Variants in LAMA5 observed in about 807,000 individuals in gnomAD.
The protein encoded by LAMA5 is laminin subunit alpha 5.
LAMA5 carries 260 observed loss-of-function variants against 433.4 expected under a neutral mutation model. That is an observed-to-expected ratio of 0.60 (90% confidence interval 0.54 to 0.66). The LOEUF is 0.66. Ranked by LOEUF, LAMA5 falls within the 30% of genes least tolerant of loss-of-function variation. The pLI is 0.00. For missense variants in LAMA5, 5,378 were observed against 5,258.5 expected, an observed-to-expected ratio of 1.02 and a Z score of -0.70; for synonymous variants, 2,620 against 2,226.6, an observed-to-expected ratio of 1.18 and a Z score of -4.97.
At position 62,319,740 on chromosome 20, in the gene LAMA5, A is replaced by G. The variant is rs369123104; in HGVS notation, c.6815T>C (p.Leu2272Pro). The change falls in exon 51 of 80, where the codon CTG (leucine) becomes CCG (proline). Residue 2272 changes from leucine (L) to proline (P), a missense_variant. Leu to Pro is a moderately conservative substitution (Grantham distance 98). Coordinates refer to ENST00000252999, the MANE Select transcript of LAMA5 (RefSeq NM_005560.6). ...CGCCAACAGCGTCTTCGCATGGCCC[A>G]GTGTGGCCTCGGTGCCGGCCAGCAA... ...SQLLAGTEAT[L>P]GHAKTLLAAI... 8.4e-6 allele frequency: 13 copies of G among 1,549,244 alleles called. No individual in the cohort carries two copies. The African/African-American group carries it at 9.6e-5, about 11-fold the overall frequency.
In LAMA5 at chr20:62,310,223, C is replaced by T; in HGVS notation, c.10689G>A (p.Gln3563=). ...AVTGLIFHLG[Q]ARTPPYLQLQ... ...ACTGCAAGTAGGGGGGCGTCCGGGC[C>T]TGGCCCAAGTGGAAGATCAGTCCGG... is the stretch of plus-strand genomic sequence containing the variant. The change falls in exon 77 of 80, where the codon CAG becomes CAA. Residue 3563 remains glutamine (Q), a synonymous_variant. Coordinates refer to ENST00000252999, the MANE Select transcript of LAMA5 (RefSeq NM_005560.6). The T allele has an allele frequency of 4.3e-6, 7 of 1,612,638 alleles. No homozygotes were observed. The highest frequency in any genetic ancestry group is 5.9e-6 in the Non-Finnish European group (7 of 1,179,950).
rs141647663 is a variant in LAMA5 at position 62,317,690 on chromosome 20, A to G, written c.7328T>C (p.Leu2443Ser). Reference protein sequence around the residue: ...ARDTLASVFRLLHSLDQAKEE... With the variant: ...ARDTLASVFRSLHSLDQAKEE... Reference sequence around the variant, plus strand: ...CTTAGCCTGGTCCAGGCTGTGCAGCAATCTGAAGACGCTGGCCAGGGTGTC... The same window carrying G: ...CTTAGCCTGGTCCAGGCTGTGCAGCGATCTGAAGACGCTGGCCAGGGTGTC... Residue 2443 changes from leucine to serine, a missense_variant, in exon 54 of 80, where the codon TTG becomes TCG. Physicochemically the swap from Leu to Ser is moderately radical, Grantham distance 145 (BLOSUM62 -2). Coordinates refer to ENST00000252999, the MANE Select transcript of LAMA5 (RefSeq NM_005560.6). 73 of 1,599,624 alleles carry G rather than the reference A, an allele frequency of 4.6e-5. 1 individual carries two copies. The African/African-American group carries it at 8.6e-4, about 19-fold the overall frequency.
rs187910311 is a variant in LAMA5, at chr20:62,365,927, C to G, written c.297+1022G>C. Among the ~76,000 whole-genome samples, 382 of 152,284 alleles carry G rather than the reference C, an allele frequency of 2.5e-3. 1 individual carries two copies. The highest frequency in any genetic ancestry group is 4.4e-3 in the Admixed American group (67 of 15,302). On this transcript the variant is annotated intron_variant, in intron 1 of 79. Transcript: ENST00000252999. ...GGGCAGGCAGAGGGGGCGGGCCCAGCCCAGGCTCCTCCATTCATCCCCATA... is the reference window on the plus strand; with the variant it reads ...GGGCAGGCAGAGGGGGCGGGCCCAGGCCAGGCTCCTCCATTCATCCCCATA...
At position 62,310,913 on chromosome 20, in the gene LAMA5, G is replaced by T. The variant is rs373853818; in HGVS notation, c.10270C>A (p.Arg3424Ser). 17 of 1,610,370 alleles carry T rather than the reference G, an allele frequency of 1.1e-5. No individual in the cohort carries two copies. In the Middle Eastern group the frequency reaches 1.3e-3, roughly 125 times the overall value. The change falls in exon 74 of 80, where the codon CGC becomes AGC. Residue 3424 changes from arginine (R) to serine (S), a missense_variant. Physicochemically the swap from Arg to Ser is moderately radical, Grantham distance 110. Transcript: ENST00000252999. Reference sequence around the variant, plus strand: ...TTCTCGGCCCTCACCTTGTGCCAGCGGCCAGGCCGGGAGCGCTGGCGGCTC... The same window carrying T: ...TTCTCGGCCCTCACCTTGTGCCAGCTGCCAGGCCGGGAGCGCTGGCGGCTC... The part of the protein sequence containing the change: ...AQSRQRSRPG[R>S]WHKVSVRWEK...
chr20:62,336,594 C>A, intron 17 of LAMA5, 140 bp downstream of exon 17: 5 of 1,189,012 alleles, frequency 4.2e-6, no homozygotes, highest in Non-Finnish European at 6.1e-6. Context: ...GGCAGAGGAC[C>A]AGCCTAAGGA....
At position 62,337,534 on chromosome 20, in the gene LAMA5, GCA is replaced by G. The variant is rs369611019; in HGVS notation, c.2164+54_2164+55del. The G allele has an allele frequency of 2.4e-4, 380 of 1,555,692 alleles. 3 individuals are homozygous for G. In the East Asian group the frequency reaches 6.6e-3, roughly 27 times the overall value. On this transcript the variant is annotated intron_variant, in intron 16 of 79. Transcript: ENST00000252999. ...CAGGAAGGCAGGCAGCGTGTGAACA[GCA>G]CAGACCCACACACAGGCCCGGCACC...
At chr20:62,319,597 C>T (rs1987443317) in intron 51 of LAMA5, 87 bp downstream of exon 51, 2 of 921,530 alleles carry the variant, frequency 2.2e-6, no homozygotes, top group South Asian at 1.5e-5. Context: ...CCTGTTCTTC[C>T]AGGCCAAGCT....
At chr20:62,342,805 TAA>T (rs1982803136) in intron 11 of LAMA5, among the ~76,000 whole-genome samples, 1 of 152,154 alleles carries the variant, frequency 6.6e-6, no homozygotes, top group African/African-American at 2.4e-5. Flanking sequence ...ATTGGGAGCA[TAA>T]AAAAGTGTGG....
chr20:62,311,038 G>A lies in LAMA5; in HGVS notation c.10145C>T (p.Thr3382Ile), dbSNP rs867207637. 3 of 1,608,250 alleles carry A rather than the reference G, an allele frequency of 1.9e-6. No individual in the cohort carries two copies. The Middle Eastern group carries it at 5.0e-4, about 266-fold the overall frequency. ...GGGGCTGCCGGGCCTCAGACGGGCA[G>A]TGAAGAGGAGGAGGCCTCGGGAGCT... ...PRSSRGLLLF[T>I]ARLRPGSPSL... Residue 3382 changes from threonine to isoleucine, a missense_variant, in exon 74 of 80, where the codon ACT becomes ATT. Transcript: ENST00000252999.
At position 62,334,518 on chromosome 20, in the gene LAMA5, C is replaced by A; in HGVS notation, c.2582+4G>T. ...CCACCACCCAGTGGGGAAGGGGTACCCACTCGCTGCAGGTGGGGCCCTGGG... is the reference window on the plus strand; with the variant it reads ...CCACCACCCAGTGGGGAAGGGGTACACACTCGCTGCAGGTGGGGCCCTGGG... On this transcript the variant is annotated splice_donor_region_variant and intron_variant, in intron 21 of 79. Coordinates refer to ENST00000252999, the MANE Select transcript of LAMA5 (RefSeq NM_005560.6). The A allele has an allele frequency of 6.5e-7, 1 of 1,547,344 alleles. No homozygotes were observed. Among genetic ancestry groups the A allele is most frequent in the Non-Finnish European group, 8.7e-7 (1 of 1,146,230 alleles).
In LAMA5 at chr20:62,320,779, G is replaced by A; in HGVS notation, c.6608C>T (p.Ala2203Val). 6.2e-7 allele frequency: 1 copy of A among 1,612,688 alleles called. No homozygotes were observed. The highest frequency in any genetic ancestry group is 8.5e-7 in the Non-Finnish European group (1 of 1,179,920). ...GGAGGCGTTCAGCCTGTGCAGACGG[G>A]CCCAGGCCATGGAGCTGGCATTGAT... is the stretch of plus-strand genomic sequence containing the variant. ...RGINASSMAW[A>V]RLHRLNASIA... The change falls in exon 49 of 80, where the codon GCC becomes GTC. Residue 2203 changes from alanine (A) to valine (V), a missense_variant. By Grantham distance (64) the Ala-to-Val change is moderately conservative (BLOSUM62 0). Transcript: ENST00000252999.
intron 31 of LAMA5, among the ~76,000 whole-genome samples, chr20:62,330,127 C>G (rs1353713394): frequency 6.6e-6 from 1 of 152,250 alleles, no homozygotes; most frequent in Non-Finnish European, 1.5e-5. Context: ...CGGGACACCT[C>G]TAGGTACCGG....
In LAMA5 at chr20:62,346,984, T is replaced by A. The variant is rs758799784; in HGVS notation, c.1001A>T (p.Asp334Val). The change falls in exon 7 of 80, where the codon GAC (aspartate) becomes GTC (valine). Residue 334 changes from aspartate to valine, a missense_variant. Transcript: ENST00000252999. ...CQHNTCGGTC[D>V]RCCPGFNQQP... The stretch of plus-strand genomic sequence containing the variant: ...CTGATTGAAGCCGGGGCAGCAGCGG[T>A]CGCAGGTGCCCCCGCAGGTGTTGTG... 1.9e-6 allele frequency: 3 copies of A among 1,612,504 alleles called. No homozygotes were observed. In the South Asian group the frequency reaches 3.3e-5, roughly 18 times the overall value.
chr20:62,360,900 C>G (rs1418810734), intron 2 of LAMA5, among the ~76,000 whole-genome samples: 2 of 152,072 alleles, frequency 1.3e-5, no homozygotes, highest in African/African-American at 4.8e-5. Flanking sequence ...GGTGGTGGAG[C>G]CCAGGCTCGT....
chr20:62,348,247 A>T (rs1983670578), intron 6 of LAMA5, among the ~76,000 whole-genome samples: 1 of 152,196 alleles, frequency 6.6e-6, no homozygotes, highest in South Asian at 2.1e-4. Context: ...GAGCCCCAAG[A>T]ACCTCACAAA....
intron 6 of LAMA5, among the ~76,000 whole-genome samples, chr20:62,350,031 T>A: frequency 6.6e-6 from 1 of 151,572 alleles, no homozygotes; most frequent in Non-Finnish European, 1.5e-5. Context: ...GGTGACCAGG[T>A]CCTGGTAACA....
rs780661375 is a variant in LAMA5 at position 62,329,839 on chromosome 20, C to A, written c.4057G>T (p.Asp1353Tyr). Residue 1353 changes from aspartate to tyrosine, a missense_variant, in exon 32 of 80, where the codon GAC becomes TAC. Transcript: ENST00000252999. ...LVVCEGQALL[D>Y]VTHSELTVTV... is the part of the protein sequence containing the mutation. The stretch of plus-strand genomic sequence containing the variant: ...ACAGTGAGCTCGCTGTGGGTCACGT[C>A]CAGCAGGGCCTGGCCCTCACACACC... 6.2e-7 allele frequency: 1 copy of A among 1,612,552 alleles called. No homozygotes were observed. Among genetic ancestry groups the A allele is most frequent in the Admixed American group, 1.7e-5 (1 of 59,978 alleles).
In LAMA5 at chr20:62,347,442, G is replaced by A. The variant is rs558708296; in HGVS notation, c.957-414C>T. ...ACTGAGTTATGCCCTTTCCACTTCGGCCAGGACTCGAGCGTAAGCCCAAAA... is the reference window on the plus strand; with the variant it reads ...ACTGAGTTATGCCCTTTCCACTTCGACCAGGACTCGAGCGTAAGCCCAAAA... On this transcript the variant is annotated intron_variant, in intron 6 of 79. Coordinates refer to ENST00000252999, the MANE Select transcript of LAMA5 (RefSeq NM_005560.6). Among the ~76,000 whole-genome samples, 18 of 152,210 alleles carry A rather than the reference G, an allele frequency of 1.2e-4. 1 individual carries two copies. The highest frequency in any genetic ancestry group is 8.5e-4 in the Admixed American group (13 of 15,294).
In LAMA5 at chr20:62,333,482, C is replaced by G; in HGVS notation, c.3022-1G>C. 6.2e-7 allele frequency: 1 copy of G among 1,610,948 alleles called. No homozygotes were observed. The highest frequency in any genetic ancestry group is 8.5e-7 in the Non-Finnish European group (1 of 1,179,218). ...CGCTAGGCAGCAGAACCACGTAGTCCTGCAGGGTGGAGGTGGTGCTGAGAG... is the reference window on the plus strand; with the variant it reads ...CGCTAGGCAGCAGAACCACGTAGTCGTGCAGGGTGGAGGTGGTGCTGAGAG... On this transcript the variant is annotated splice_acceptor_variant, in intron 24 of 79. Transcript: ENST00000252999. LOFTEE classifies it high-confidence loss of function.
Sources: gnomAD v4.1 joint callset for allele counts (sites outside exome capture counted in the v4.1 genomes callset) on GRCh38, gnomAD v4.1.1 for gene constraint, MANE v1.5 for transcripts, NCBI Gene and HGNC (gene_info 2026-07-23, HGNC 2026-07-21) for gene names.